SHISA9: variants seen among roughly 807,000 people sequenced by gnomAD.
SHISA9 encodes the protein shisa family member 9.
In SHISA9, 13 loss-of-function variants were observed where a neutral mutation model predicts 38.0. The observed-to-expected ratio is 0.34, with a 90% confidence interval of 0.22 to 0.54. The LOEUF is 0.54. Among genes scored for constraint, SHISA9 ranks in the 20% least tolerant of loss-of-function variants. The pLI is 0.91. For synonymous variants in SHISA9, 275 were observed against 242.0 expected (o/e 1.14, Z -1.27); for missense variants, 538 against 575.8 (o/e 0.93, Z 0.67).
At chr16:12,939,675 A>C (rs1367076575) in intron 2 of SHISA9, among the ~76,000 whole-genome samples, 3 of 151,784 alleles carry the variant, frequency 2.0e-5, no homozygotes, top group Admixed American at 6.6e-5. Flanking sequence ...CACTCCATCA[A>C]CTTTTCCCAA....
chr16:12,933,383 C>T (rs1416648825), intron 2 of SHISA9, among the ~76,000 whole-genome samples: 1 of 152,008 alleles, frequency 6.6e-6, no homozygotes, highest in East Asian at 1.9e-4. Context: ...CAACCTCCGC[C>T]TCCTGGTTTC....
chr16:13,194,463 TCTC>T (rs1297068840), intron 2 of SHISA9, among the ~76,000 whole-genome samples: 1 of 152,222 alleles, frequency 6.6e-6, no homozygotes, highest in Admixed American at 6.5e-5. Flanking sequence ...GCCTTGGTTT[TCTC>T]CTCTACAAAA....
intron 2 of SHISA9, among the ~76,000 whole-genome samples, chr16:13,071,033 C>T (rs1027946782): frequency 3.3e-5 from 5 of 152,140 alleles, no homozygotes; most frequent in African/African-American, 1.2e-4. Flanking sequence ...CTCTGAAGTC[C>T]TCAGGAACTA....
chr16:13,128,054 G>A (rs558914758), intron 2 of SHISA9, among the ~76,000 whole-genome samples: 2 of 152,236 alleles, frequency 1.3e-5, no homozygotes, highest in Non-Finnish European at 2.9e-5. Flanking sequence ...TTTGAATTCT[G>A]CATCATTAAG....
the SHISA9 span, among the ~76,000 whole-genome samples, chr16:13,446,234 C>T: frequency 1.3e-5 from 2 of 152,068 alleles, no homozygotes; most frequent in African/African-American, 2.4e-5. Context: ...TGTGAGCCAC[C>T]GTGCCTGGCC....
At chr16:13,314,141 A>G in the SHISA9 span, among the ~76,000 whole-genome samples, 2 of 152,064 alleles carry the variant, frequency 1.3e-5, no homozygotes, top group Non-Finnish European at 2.9e-5. Flanking sequence ...GCACTTTAGG[A>G]TTAATTCTAA....
At chr16:13,087,100 C>A (rs1334762298) in intron 2 of SHISA9, among the ~76,000 whole-genome samples, 1 of 146,798 alleles carries the variant, frequency 6.8e-6, no homozygotes, top group African/African-American at 2.5e-5. Flanking sequence ...TGCTGAGAAT[C>A]ATGGTTTCCA....
At chr16:13,148,216 C>G (rs543026918) in intron 2 of SHISA9, among the ~76,000 whole-genome samples, 1 of 152,216 alleles carries the variant, frequency 6.6e-6, no homozygotes, top group East Asian at 1.9e-4. Context: ...ACATGCATTT[C>G]CCACATGTCC....
the SHISA9 span, among the ~76,000 whole-genome samples, chr16:13,549,886 G>C: frequency 6.6e-6 from 1 of 152,064 alleles, no homozygotes; most frequent in Non-Finnish European, 1.5e-5. Context: ...AGCTGGGCAT[G>C]GTCGTAAGCG....
rs1242911878 is a variant in SHISA9 at position 13,029,220 on chromosome 16, G to C, written c.691+112405G>C. The stretch of plus-strand genomic sequence containing the variant: ...GTTGCAGCACTGTTCACAATAGCCA[G>C]ATTTGGAAGCAACCTAAGTGTCCAT... On this transcript the variant is annotated intron_variant, in intron 2 of 4. Coordinates refer to ENST00000558583, the MANE Select transcript of SHISA9 (RefSeq NM_001145204.3). Among the ~76,000 whole-genome samples, 46 of 152,220 alleles carry C rather than the reference G, an allele frequency of 3.0e-4. 1 individual carries two copies. The highest frequency in any genetic ancestry group is 3.0e-3 in the Admixed American group (46 of 15,282).
chr16:13,398,005 C>G, the SHISA9 span, among the ~76,000 whole-genome samples: 1 of 152,136 alleles, frequency 6.6e-6, no homozygotes, highest in African/African-American at 2.4e-5. Flanking sequence ...CCCATGTGCT[C>G]CTCTGACTGC....
At chr16:13,287,727 G>A in the SHISA9 span, among the ~76,000 whole-genome samples, 1 of 152,158 alleles carries the variant, frequency 6.6e-6, no homozygotes, top group African/African-American at 2.4e-5. Context: ...ATCACAAAAA[G>A]AAGAACTGGA....
At chr16:13,458,999 T>A in the SHISA9 span, among the ~76,000 whole-genome samples, 1 of 151,842 alleles carries the variant, frequency 6.6e-6, no homozygotes, top group Non-Finnish European at 1.5e-5. Flanking sequence ...TCCCAAGGCA[T>A]GCACCACCAC....
At chr16:13,189,660 G>A (rs2050863586) in intron 2 of SHISA9, among the ~76,000 whole-genome samples, 1 of 152,252 alleles carries the variant, frequency 6.6e-6, no homozygotes, top group South Asian at 2.1e-4. Context: ...TGGAAGGCAT[G>A]TGTTTAAGCT....
the SHISA9 span, among the ~76,000 whole-genome samples, chr16:13,501,390 G>A: frequency 1.3e-5 from 2 of 152,234 alleles, no homozygotes; most frequent in Non-Finnish European, 2.9e-5. Flanking sequence ...GGAGGATGGA[G>A]CCATGAAAGG....
the SHISA9 span, among the ~76,000 whole-genome samples, chr16:13,437,563 T>G: frequency 6.6e-6 from 1 of 152,180 alleles, no homozygotes; most frequent in African/African-American, 2.4e-5. Context: ...AGGGCCCGTG[T>G]GTTTACCCTC....
the SHISA9 span, among the ~76,000 whole-genome samples, chr16:13,298,931 A>T: frequency 6.6e-6 from 1 of 152,182 alleles, no homozygotes; most frequent in Non-Finnish European, 1.5e-5. Flanking sequence ...GCTCAAGGGC[A>T]GAGTGGGAAG....
At chr16:12,929,204 G>T (rs1401548717) in intron 2 of SHISA9, among the ~76,000 whole-genome samples, 1 of 152,182 alleles carries the variant, frequency 6.6e-6, no homozygotes, top group Non-Finnish European at 1.5e-5. Flanking sequence ...GTGTAAATTA[G>T]TTCAACCATT....
the SHISA9 span, among the ~76,000 whole-genome samples, chr16:13,505,000 A>G: frequency 2.6e-5 from 4 of 152,180 alleles, no homozygotes; most frequent in South Asian, 6.2e-4. Context: ...GCTCCCTCTT[A>G]TCTGTGACTA....
Sources: gnomAD v4.1 joint callset for allele counts (sites outside exome capture counted in the v4.1 genomes callset) on GRCh38, gnomAD v4.1.1 for gene constraint, MANE v1.5 for transcripts, NCBI Gene and HGNC (gene_info 2026-07-23, HGNC 2026-07-21) for gene names.